The following ZNF865 variants were observed in gnomAD, a reference collection of about 807,000 sequenced individuals.
ZNF865 encodes the protein zinc finger protein 865.
For missense variants in ZNF865, 1,311 were observed against 1,593.4 expected (o/e 0.82, Z 3.02); for synonymous variants, 763 against 750.8 (o/e 1.02, Z -0.27).
chr19:55,609,235 A>G (rs927081421), intron 1 of ZNF865, among the ~76,000 whole-genome samples: 1 of 152,084 alleles, frequency 6.6e-6, no homozygotes, highest in Non-Finnish European at 1.5e-5. Flanking sequence ...TGGCCAGGCT[A>G]GTCTCGAACT....
chr19:55,613,684 C>T lies in ZNF865; in HGVS notation c.66C>T (p.Asp22=), dbSNP rs1230629652. The T allele has an allele frequency of 3.9e-6, 6 of 1,533,584 alleles. No homozygotes were observed. The highest frequency in any genetic ancestry group is 4.4e-6 in the Non-Finnish European group (5 of 1,145,734). The allele number at this position is 1,533,584 out of a possible 1,614,324, so 95.0% of individuals were successfully genotyped here. Reference sequence around the variant, plus strand: ...GGAGCAGCGGCATCGGGGGCGAGGACGGGGTGCACTTCCAGAGCTACCCCT... The same window carrying T: ...GGAGCAGCGGCATCGGGGGCGAGGATGGGGTGCACTTCCAGAGCTACCCCT... ...GGGSSGIGGE[D]GVHFQSYPFD... is the part of the protein sequence containing the mutation. Residue 22 remains aspartate (D), a synonymous_variant, in exon 2 of 2, where the codon GAC becomes GAT. Coordinates refer to ENST00000568956, the MANE Select transcript of ZNF865 (RefSeq NM_001195605.2).
Position 55,614,041 on chromosome 19 carries a change from T to A in ZNF865, c.423T>A (p.Ala141=). The A allele has an allele frequency of 6.7e-7, 1 of 1,484,894 alleles. No homozygotes were observed. 92.0% of individuals were successfully genotyped at this position (1,484,894 alleles called of 1,614,324 possible). The change falls in exon 2 of 2, where the codon GCT becomes GCA. Residue 141 remains alanine, a synonymous_variant. Coordinates refer to ENST00000568956, the MANE Select transcript of ZNF865 (RefSeq NM_001195605.2). This position sits in a 1 kb window ranked among gnomAD's most constrained non-coding sequence, Gnocchi z 8.0. ...GAPPPPLFDA[A]FPTPQWGIVD... ...CCCCTCCTCCCCTCTTTGACGCTGC[T>A]TTCCCCACTCCGCAGTGGGGCATCG...
intron 1 of ZNF865, among the ~76,000 whole-genome samples, chr19:55,605,969 C>T (rs1252365419): frequency 6.6e-6 from 1 of 152,120 alleles, no homozygotes; most frequent in Non-Finnish European, 1.5e-5. Context: ...GTGGCGATCC[C>T]CTAAACGGCT....
rs574469629 is a variant in ZNF865, at chr19:55,611,470, A to G, written c.-26-2123A>G. ...CTTAGGTTCCACCTACAGCCTTCCA[A>G]TTACCACCCCAGCCAAGCCTGTCCT... On this transcript the variant is annotated intron_variant, in intron 1 of 1. Transcript: ENST00000568956. The surrounding 1 kb of genome is among the most constrained non-coding windows in gnomAD (Gnocchi z 4.5). Among the ~76,000 whole-genome samples, 12 of 152,150 alleles carry G rather than the reference A, an allele frequency of 7.9e-5. No homozygotes were observed. The highest frequency in any genetic ancestry group is 2.4e-4 in the African/African-American group (10 of 41,500).
intron 1 of ZNF865, among the ~76,000 whole-genome samples, chr19:55,608,378 G>A (rs1981016332): frequency 6.9e-6 from 1 of 145,902 alleles, no homozygotes; most frequent in Admixed American, 7.0e-5. Flanking sequence ...GCAGTGGTGT[G>A]ATCTTAGCTC....
chr19:55,615,179 C>T lies in ZNF865; in HGVS notation c.1561C>T (p.Pro521Ser), dbSNP rs1349100074. The T allele has an allele frequency of 5.0e-6, 7 of 1,388,932 alleles. No individual in the cohort carries two copies. The highest frequency in any genetic ancestry group is 5.5e-6 in the Non-Finnish European group (6 of 1,082,498). The allele number at this position is 1,388,932 out of a possible 1,614,324, so 86.0% of individuals were successfully genotyped here. ...AAVVYGAVPV[P>S]LLGAHPLLLG... is the part of the protein sequence containing the mutation. The stretch of plus-strand genomic sequence containing the variant: ...GGTGGTGTACGGCGCTGTGCCCGTC[C>T]CGCTCCTGGGCGCCCACCCGCTGCT... Residue 521 changes from proline (P) to serine (S), a missense_variant, in exon 2 of 2, where the codon CCG becomes TCG. Physicochemically the swap from Pro to Ser is moderately conservative, Grantham distance 74 (BLOSUM62 -1). Coordinates refer to ENST00000568956, the MANE Select transcript of ZNF865 (RefSeq NM_001195605.2).
At chr19:55,610,312 G>C (rs991185842) in intron 1 of ZNF865, among the ~76,000 whole-genome samples, 2 of 152,236 alleles carry the variant, frequency 1.3e-5, no homozygotes, top group African/African-American at 4.8e-5. Flanking sequence ...CCAGGCTGGA[G>C]TGCAGTGGCA....
chr19:55,608,680 G>A (rs1178396256), intron 1 of ZNF865, among the ~76,000 whole-genome samples: 1 of 152,112 alleles, frequency 6.6e-6, no homozygotes, highest in Non-Finnish European at 1.5e-5. Context: ...ACATGCTTTG[G>A]TTATAGTCCT....
At chr19:55,605,755 C>T (rs943301170) in intron 1 of ZNF865, 23 bp downstream of exon 1, 3 of 136,548 alleles carry the variant, frequency 2.2e-5, no homozygotes, top group Admixed American at 7.2e-5. Flanking sequence ...GTGCGTGGCC[C>T]GGGGGCCCGG....
chr19:55,616,790 G>C lies in ZNF865; in HGVS notation c.3172G>C (p.Asp1058His). The change falls in exon 2 of 2, where the codon GAT (aspartate) becomes CAT (histidine). Residue 1058 changes from aspartate to histidine, a missense_variant. By Grantham distance (81) the Asp-to-His change is moderately conservative. Coordinates refer to ENST00000568956, the MANE Select transcript of ZNF865 (RefSeq NM_001195605.2). Reference sequence around the variant, plus strand: ...AGGGGCGGGCACCTTGGCCGGGAAGGATGCCTGACCGAGGGGTTCCCATCC... The same window carrying C: ...AGGGGCGGGCACCTTGGCCGGGAAGCATGCCTGACCGAGGGGTTCCCATCC... ...GAGAGTLAGK[D>H]A is the part of the protein sequence containing the mutation. The C allele has an allele frequency of 6.9e-7, 1 of 1,442,882 alleles. No individual in the cohort carries two copies. The highest frequency in any genetic ancestry group is 9.1e-7 in the Non-Finnish European group (1 of 1,103,278). The allele number at this position is 1,442,882 out of a possible 1,614,324, so 89.4% of individuals were successfully genotyped here. A position where few individuals can be genotyped will look rare whatever the true frequency, so the allele number is the denominator to read the frequency against.
At chr19:55,609,331 A>C (rs751144643) in intron 1 of ZNF865, among the ~76,000 whole-genome samples, 2 of 152,088 alleles carry the variant, frequency 1.3e-5, no homozygotes, top group African/African-American at 4.8e-5. Context: ...TGACTTTGGA[A>C]GTTTAATTTA....
Position 55,616,566 on chromosome 19 carries a change from A to AGCC in ZNF865, c.2954_2956dup (p.Pro985dup). ...GTGCTGCGCCACCAGCGCGCCCATG[A>AGCC]GCCGCCGCGGCCCGAGCTCCGCTGC... On this transcript the variant is annotated inframe_insertion, in exon 2 of 2. Transcript: ENST00000568956. 1 of 1,531,732 alleles carries AGCC rather than the reference A, an allele frequency of 6.5e-7. No individual in the cohort carries two copies. Among genetic ancestry groups the AGCC allele is most frequent in the Non-Finnish European group, 8.7e-7 (1 of 1,144,882 alleles). 94.9% of individuals were successfully genotyped at this position (1,531,732 alleles called of 1,614,324 possible).
chr19:55,614,528 G>A lies in ZNF865; in HGVS notation c.910G>A (p.Ala304Thr), dbSNP rs1981271375. Residue 304 changes from alanine to threonine, a missense_variant, in exon 2 of 2, where the codon GCC (alanine) becomes ACC (threonine). Transcript: ENST00000568956. This position sits in a 1 kb window ranked among gnomAD's most constrained non-coding sequence, Gnocchi z 8.0. ...LGLPAPAASA[A>T]TAAAPSTVSS... ...CCTCCCAGCACCCGCTGCCAGCGCC[G>A]CCACCGCCGCCGCCCCCTCCACGGT... The A allele has an allele frequency of 2.3e-6, 3 of 1,314,604 alleles. No homozygotes were observed. Among genetic ancestry groups the A allele is most frequent in the South Asian group, 1.8e-5 (1 of 56,876 alleles). The allele number at this position is 1,314,604 out of a possible 1,614,324, so 81.4% of individuals were successfully genotyped here. A position where few individuals can be genotyped will look rare whatever the true frequency, so the allele number is the denominator to read the frequency against.
At chr19:55,607,425 C>T (rs1417013784) in intron 1 of ZNF865, among the ~76,000 whole-genome samples, 2 of 143,678 alleles carry the variant, frequency 1.4e-5, no homozygotes, top group African/African-American at 5.3e-5. Context: ...CATAGTGAGA[C>T]CCTGTCTTTA....
rs1352743878 is a variant in ZNF865 at position 55,613,899 on chromosome 19, C to T, written c.281C>T (p.Ser94Leu). The T allele has an allele frequency of 4.6e-6, 7 of 1,508,054 alleles. No individual in the cohort carries two copies. The highest frequency in any genetic ancestry group is 2.4e-5 in the South Asian group (2 of 83,104). 93.4% of individuals were successfully genotyped at this position (1,508,054 alleles called of 1,614,324 possible). Reference protein sequence around the residue: ...TFKPKAEVPSSSSSSSSSSSS... With the variant: ...TFKPKAEVPSLSSSSSSSSSS... Reference sequence around the variant, plus strand: ...AAGCCCAAGGCGGAGGTGCCCTCCTCGTCCTCGTCCTCGTCCTCCTCCTCC... The same window carrying T: ...AAGCCCAAGGCGGAGGTGCCCTCCTTGTCCTCGTCCTCGTCCTCCTCCTCC... Residue 94 changes from serine (S) to leucine (L), a missense_variant, in exon 2 of 2, where the codon TCG (serine) becomes TTG (leucine). By Grantham distance (145) the Ser-to-Leu change is moderately radical. Coordinates refer to ENST00000568956, the MANE Select transcript of ZNF865 (RefSeq NM_001195605.2).
At chr19:55,610,823 AGAGTGATGGGGTGGG>A (rs1318710892) in intron 1 of ZNF865, among the ~76,000 whole-genome samples, 1 of 152,170 alleles carries the variant, frequency 6.6e-6, no homozygotes, top group Non-Finnish European at 1.5e-5. Context: ...GAGGGACTGG[AGAGTGATGGGGTGGG>A]GAGTGCTGAG....
chr19:55,610,096 GGGA>G (rs1488737233), intron 1 of ZNF865, among the ~76,000 whole-genome samples: 1 of 152,156 alleles, frequency 6.6e-6, no homozygotes, highest in Non-Finnish European at 1.5e-5. Flanking sequence ...CCGTTCCTCT[GGGA>G]GTTTGATCAG....
Position 55,611,450 on chromosome 19 carries a change from G to A in ZNF865, c.-26-2143G>A, listed in dbSNP as rs569888618. ...CTCCAGAGCTGTCTCCCCAACTTAG[G>A]TTCCACCTACAGCCTTCCAATTACC... is the stretch of plus-strand genomic sequence containing the variant. On this transcript the variant is annotated intron_variant, in intron 1 of 1. Coordinates refer to ENST00000568956, the MANE Select transcript of ZNF865 (RefSeq NM_001195605.2). The surrounding 1 kb of genome is among the most constrained non-coding windows in gnomAD (Gnocchi z 4.5). Among the ~76,000 whole-genome samples the A allele has an allele frequency of 6.6e-6, 1 of 152,234 alleles. No homozygotes were observed. The highest frequency in any genetic ancestry group is 2.4e-5 in the African/African-American group (1 of 41,520).
chr19:55,613,982 C>T lies in ZNF865; in HGVS notation c.364C>T (p.Pro122Ser), dbSNP rs1013550085. 6.6e-7 allele frequency: 1 copy of T among 1,524,132 alleles called. No individual in the cohort carries two copies. Among genetic ancestry groups the T allele is most frequent in the Non-Finnish European group, 8.8e-7 (1 of 1,140,886 alleles). 94.4% of individuals were successfully genotyped at this position (1,524,132 alleles called of 1,614,324 possible). A position where few individuals can be genotyped will look rare whatever the true frequency, so the allele number is the denominator to read the frequency against. Residue 122 changes from proline to serine, a missense_variant, in exon 2 of 2, where the codon CCC becomes TCC. Transcript: ENST00000568956. ...SSSSSSQAKK[P>S]DPPLPPAFGA... ...CTCTTCCTCTTCCCAAGCCAAGAAG[C>T]CCGATCCGCCCCTGCCGCCCGCCTT...
Sources: allele counts gnomAD v4.1 joint callset (sites outside exome capture counted in the v4.1 genomes callset), GRCh38; gene constraint gnomAD v4.1.1; non-coding constraint Gnocchi (gnomAD v3.1); transcripts MANE v1.5; gene names NCBI Gene and HGNC (gene_info 2026-07-23, HGNC 2026-07-21).